Variants in BBOX1 observed in about 807,000 individuals in gnomAD.
BBOX1 encodes gamma-butyrobetaine dioxygenase.
A neutral mutation model predicts 41.6 loss-of-function variants in BBOX1; 35 were observed. That is an observed-to-expected ratio of 0.84 (90% confidence interval 0.64 to 1.11). The LOEUF is 1.11. Among genes scored for constraint, BBOX1 ranks in the 50% most tolerant of loss-of-function variants. BBOX1 has a pLI of 0.00. For synonymous variants in BBOX1, 163 were observed against 154.7 expected, an observed-to-expected ratio of 1.05 and a Z score of -0.40; for missense variants, 458 against 460.6, an observed-to-expected ratio of 0.99 and a Z score of 0.05.
intron 4 of BBOX1, among the ~76,000 whole-genome samples, chr11:27,088,958 G>A (rs997069537): frequency 6.6e-6 from 1 of 151,946 alleles, no homozygotes; most frequent in African/African-American, 2.4e-5. Flanking sequence ...GCCATGTACT[G>A]TACCAAACTC....
At chr11:27,055,005 A>G (rs1381268352) in intron 2 of BBOX1, among the ~76,000 whole-genome samples, 3 of 152,162 alleles carry the variant, frequency 2.0e-5, no homozygotes, top group Non-Finnish European at 4.4e-5. Context: ...TTAAAATAGG[A>G]CAGGGGTGAT....
At chr11:27,083,517 C>T (rs879549978) in intron 4 of BBOX1, among the ~76,000 whole-genome samples, 2 of 152,040 alleles carry the variant, frequency 1.3e-5, no homozygotes, top group Non-Finnish European at 2.9e-5. Flanking sequence ...ACACTCTTCC[C>T]CCTGCTCTTT....
At chr11:27,078,897 C>G (rs781022519) in intron 4 of BBOX1, among the ~76,000 whole-genome samples, 1 of 152,106 alleles carries the variant, frequency 6.6e-6, no homozygotes, top group African/African-American at 2.4e-5. Flanking sequence ...TGCCTATTAG[C>G]CTTGGGAGAT....
intron 4 of BBOX1, among the ~76,000 whole-genome samples, chr11:27,067,797 G>A (rs955603166): frequency 6.6e-6 from 1 of 151,884 alleles, no homozygotes; most frequent in Admixed American, 6.6e-5. Context: ...AAAAAACATA[G>A]TTGAGCTCCT....
rs187875582 is a variant in BBOX1 at position 27,080,860 on chromosome 11, T to C, written c.335-12308T>C. Among the ~76,000 whole-genome samples, 31 of 152,280 alleles carry C rather than the reference T, an allele frequency of 2.0e-4. No homozygotes were observed. In the East Asian group the frequency reaches 6.0e-3, roughly 29 times the overall value. ...TACAATAAAATCAGTCATCCTCATG[T>C]GTTTTCCTCCACATTTAGCTGCTTT... On this transcript the variant is annotated intron_variant, in intron 4 of 8. Coordinates refer to ENST00000263182, the MANE Select transcript of BBOX1 (RefSeq NM_003986.3).
At chr11:27,055,999 T>C (rs1021592509) in intron 3 of BBOX1, among the ~76,000 whole-genome samples, 3 of 152,090 alleles carry the variant, frequency 2.0e-5, no homozygotes, top group African/African-American at 4.8e-5. Context: ...TCTTCCAAAT[T>C]TACTAGGATT....
chr11:27,091,843 G>A (rs1858258011), intron 4 of BBOX1, among the ~76,000 whole-genome samples: 1 of 151,934 alleles, frequency 6.6e-6, no homozygotes, highest in Non-Finnish European at 1.5e-5. Context: ...GCAGCTCTAG[G>A]GAGGCCTAAT....
At chr11:27,041,734 C>T (rs1005980001) in intron 2 of BBOX1, among the ~76,000 whole-genome samples, 1 of 152,048 alleles carries the variant, frequency 6.6e-6, no homozygotes, top group African/African-American at 2.4e-5. Context: ...GCTTCTCTTT[C>T]CCAATTATGT....
intron 7 of BBOX1, among the ~76,000 whole-genome samples, chr11:27,123,501 C>A (rs1859539242): frequency 1.3e-5 from 2 of 151,930 alleles, no homozygotes; most frequent in Admixed American, 1.3e-4. Context: ...AAAGTCATGA[C>A]ATCCCTTGGC....
intron 1 of BBOX1, 31 bp from the exon 2 acceptor site, chr11:27,041,180 CTTTCT>C (rs1409022856): frequency 2.5e-5 from 2 of 79,052 alleles, no homozygotes; most frequent in African/African-American, 4.9e-5. Context: ...AGCCTCTTTT[CTTTCT>C]TTTTTTTTTT....
chr11:27,109,121 C>A (rs1221874127), intron 5 of BBOX1, among the ~76,000 whole-genome samples: 2 of 152,044 alleles, frequency 1.3e-5, no homozygotes, highest in Admixed American at 6.6e-5. Context: ...TGAGCTTAGA[C>A]TTACAATAGC....
At chr11:27,051,358 G>A (rs187027663) in intron 2 of BBOX1, among the ~76,000 whole-genome samples, 3 of 152,106 alleles carry the variant, frequency 2.0e-5, no homozygotes, top group African/African-American at 7.2e-5. Context: ...AATGAGTTTG[G>A]AAGTATTCCC....
chr11:27,125,555 T>G (rs1431474874), intron 7 of BBOX1, 99 bp from the exon 8 acceptor site: 2 of 1,044,202 alleles, frequency 1.9e-6, no homozygotes, highest in East Asian at 5.4e-5. Flanking sequence ...GATTTTTTAA[T>G]ATGGTGTTTC....
chr11:27,104,232 T>C (rs891096140), intron 5 of BBOX1, among the ~76,000 whole-genome samples: 2 of 152,148 alleles, frequency 1.3e-5, no homozygotes, highest in African/African-American at 2.4e-5. Context: ...CATTCTCACA[T>C]TGCCCCACTG....
chr11:27,062,532 T>C (rs773024445), intron 4 of BBOX1, among the ~76,000 whole-genome samples: 4 of 152,134 alleles, frequency 2.6e-5, no homozygotes, highest in Non-Finnish European at 5.9e-5. Context: ...CTCAAATGCC[T>C]ACAAGTTTGT....
intron 4 of BBOX1, among the ~76,000 whole-genome samples, chr11:27,086,235 G>A (rs1590200436): frequency 6.6e-6 from 1 of 152,054 alleles, no homozygotes. Context: ...TATTGGAAAA[G>A]ATGCCATCCA....
At chr11:27,109,558 C>T (rs1313973434) in intron 5 of BBOX1, among the ~76,000 whole-genome samples, 1 of 151,390 alleles carries the variant, frequency 6.6e-6, no homozygotes, top group South Asian at 2.1e-4. Context: ...AAAAAACTGA[C>T]AGAAAAAAGA....
intron 4 of BBOX1, among the ~76,000 whole-genome samples, chr11:27,077,136 T>C (rs921981378): frequency 3.3e-5 from 5 of 152,122 alleles, no homozygotes; most frequent in African/African-American, 4.8e-5. Context: ...CGAATTTCAG[T>C]TGGGAGCCTC....
intron 7 of BBOX1, among the ~76,000 whole-genome samples, chr11:27,120,641 C>A (rs1278835733): frequency 6.6e-6 from 1 of 151,970 alleles, no homozygotes; most frequent in Non-Finnish European, 1.5e-5. Context: ...GCCACAAATT[C>A]ATCTTTTTAT....
Sources: gnomAD v4.1 joint callset for allele counts (sites outside exome capture counted in the v4.1 genomes callset) on GRCh38, gnomAD v4.1.1 for gene constraint, MANE v1.5 for transcripts, NCBI Gene and HGNC (gene_info 2026-07-23, HGNC 2026-07-21) for gene names.